Variants in EIF4B observed in about 807,000 individuals in gnomAD.
The protein encoded by EIF4B is eukaryotic translation initiation factor 4B.
EIF4B carries 8 observed loss-of-function variants against 79.3 expected under a neutral mutation model. The ratio of observed to expected loss-of-function variants is 0.10; its 90% confidence interval spans 0.06 to 0.18. The LOEUF (loss-of-function observed/expected upper bound fraction) is 0.18. Ranked by LOEUF, EIF4B falls within the 10% of genes least tolerant of loss-of-function variation. The pLI is 1.00. For missense variants in EIF4B, 515 were observed against 792.4 expected (o/e 0.65, Z 4.20); for synonymous variants, 238 against 274.7 (o/e 0.87, Z 1.32).
chr12:53,006,695 C>T (rs1592209937), intron 1 of EIF4B, among the ~76,000 whole-genome samples, 199 bp downstream of exon 1: 1 of 151,574 alleles, frequency 6.6e-6, no homozygotes, highest in East Asian at 2.0e-4. Flanking sequence ...CTTCCCCTCC[C>T]CCTCACACTC....
intron 8 of EIF4B, among the ~76,000 whole-genome samples, chr12:53,033,265 C>G (rs373582626): frequency 1.3e-5 from 2 of 151,884 alleles, no homozygotes; most frequent in African/African-American, 4.8e-5. Flanking sequence ...GTGATCCACC[C>G]GCCTCGGCCT....
chr12:53,037,296 C>A, intron 10 of EIF4B, 113 bp from the exon 11 acceptor site: 1 of 1,170,366 alleles, frequency 8.5e-7, no homozygotes, highest in Non-Finnish European at 1.2e-6. Flanking sequence ...GGGATAAATC[C>A]ATCTTTGGGA....
Position 53,041,125 on chromosome 12 carries a change from T to TA in EIF4B, c.*903dup, listed in dbSNP as rs1012704483. ...CCTTGAAACTAAAAATTTAGACTCT[T>TA]ATCATCATCTTAAGTTCTTCATGCT... On this transcript the variant is annotated 3_prime_UTR_variant, in exon 15 of 15. Transcript: ENST00000262056. 6.6e-6 allele frequency: 1 copy of TA among 152,176 alleles called. No homozygotes were observed. Among genetic ancestry groups the TA allele is most frequent in the African/African-American group, 2.4e-5 (1 of 41,436 alleles). The allele number at this position is 152,176 out of a possible 1,614,324, so 9.4% of individuals were successfully genotyped here. A position where few individuals can be genotyped will look rare whatever the true frequency, so the allele number is the denominator to read the frequency against.
intron 6 of EIF4B, among the ~76,000 whole-genome samples, chr12:53,027,137 A>ATTATTATTATTATTATTTTTTTTTTTTTT (rs1943349413): frequency 7.8e-5 from 2 of 25,722 alleles, no homozygotes; most frequent in African/African-American, 1.6e-4. Context: ...AAAAAAAAAA[A>ATTATTATTATTATTATTTTTTTTTTTTTT]TTTTTTTTTT....
intron 10 of EIF4B, among the ~76,000 whole-genome samples, chr12:53,035,658 G>T (rs1943528440): frequency 6.8e-6 from 1 of 147,918 alleles, no homozygotes; most frequent in Non-Finnish European, 1.5e-5. Flanking sequence ...GTCAGCCACC[G>T]CACCCAGCCT....
At chr12:53,008,127 G>A (rs1428884048) in intron 1 of EIF4B, among the ~76,000 whole-genome samples, 1 of 152,186 alleles carries the variant, frequency 6.6e-6, no homozygotes, top group Non-Finnish European at 1.5e-5. Flanking sequence ...ACTTGGTCTG[G>A]ATTTGCCACC....
At chr12:53,016,847 A>G (rs1943156557) in intron 2 of EIF4B, among the ~76,000 whole-genome samples, 1 of 152,238 alleles carries the variant, frequency 6.6e-6, no homozygotes, top group African/African-American at 2.4e-5. Flanking sequence ...TTGCATTAAC[A>G]GACTTCTTAA....
At chr12:53,039,495 A>G in intron 13 of EIF4B, 135 bp from the exon 14 acceptor site, 1 of 1,266,092 alleles carries the variant, frequency 7.9e-7, no homozygotes, top group Non-Finnish European at 1.1e-6. Context: ...AAAATCTAGA[A>G]GTAATACATC....
intron 8 of EIF4B, among the ~76,000 whole-genome samples, chr12:53,031,450 A>AT (rs1484998364): frequency 6.6e-6 from 1 of 151,902 alleles, no homozygotes; most frequent in Non-Finnish European, 1.5e-5. Flanking sequence ...TAATTTTGAT[A>AT]TTTTTTCTAA....
chr12:53,010,260 C>T (rs183477648), intron 1 of EIF4B, among the ~76,000 whole-genome samples: 20 of 152,268 alleles, frequency 1.3e-4, no homozygotes, highest in Admixed American at 3.9e-4. Flanking sequence ...TGAACCCGTA[C>T]GGGGGTCAAG....
rs532612002 is a variant in EIF4B, at chr12:53,011,502, T to C, written c.14-4971T>C. Among the ~76,000 whole-genome samples, 9 of 152,306 alleles carry C rather than the reference T, an allele frequency of 5.9e-5. 1 individual carries two copies. Among genetic ancestry groups the C allele is most frequent in the Admixed American group, 5.9e-4 (9 of 15,302 alleles). On this transcript the variant is annotated intron_variant, in intron 1 of 14. Transcript: ENST00000262056. ...AGCATTTGGCAGTGTCCAGAGACGC[T>C]TTTGGTTGTCAGAGTGGAATGGGGA...
At chr12:53,009,475 ACAGAGCGAGACTC>A in intron 1 of EIF4B, among the ~76,000 whole-genome samples, 1 of 150,468 alleles carries the variant, frequency 6.6e-6, no homozygotes, top group Non-Finnish European at 1.5e-5. Flanking sequence ...GGCCTGGGCG[ACAGAGCGAGACTC>A]CGTCTCAAAA....
intron 4 of EIF4B, among the ~76,000 whole-genome samples, chr12:53,021,027 G>C (rs1943239812): frequency 6.6e-6 from 1 of 152,108 alleles, no homozygotes; most frequent in African/African-American, 2.4e-5. Flanking sequence ...CATTATAGTG[G>C]TGTTTAATAT....
rs560425965 is a variant in EIF4B at position 53,023,359 on chromosome 12, A to C, written c.667+732A>C. Among the ~76,000 whole-genome samples the C allele has an allele frequency of 3.9e-5, 6 of 152,056 alleles. No individual in the cohort carries two copies. In the South Asian group the frequency reaches 1.2e-3, roughly 32 times the overall value. On this transcript the variant is annotated intron_variant, in intron 6 of 14. Transcript: ENST00000262056. ...GTGATTCTCCTGCCTCAGCCTCCCA[A>C]GTAGCTGGGACTACAGGCGCGCGCC... is the stretch of plus-strand genomic sequence containing the variant.
chr12:53,029,931 A>AG (rs935493588), intron 8 of EIF4B, among the ~76,000 whole-genome samples: 2 of 151,172 alleles, frequency 1.3e-5, no homozygotes, highest in African/African-American at 4.9e-5. Flanking sequence ...TTTTTTTAAA[A>AG]AAAACTTAGG....
At chr12:53,019,435 A>ATTTTTTTTTTTCTTTTT (rs759250282) in intron 3 of EIF4B, among the ~76,000 whole-genome samples, 1 of 39,452 alleles carries the variant, frequency 2.5e-5, no homozygotes, top group Non-Finnish European at 6.1e-5. Flanking sequence ...ATATATATAT[A>ATTTTTTTTTTTCTTTTT]TATTTTTTTT....
intron 8 of EIF4B, among the ~76,000 whole-genome samples, chr12:53,031,317 C>G (rs981518670): frequency 2.0e-5 from 3 of 152,196 alleles, no homozygotes; most frequent in Admixed American, 6.5e-5. Context: ...ACTCTGTCGC[C>G]CAGGCTAGAA....
intron 1 of EIF4B, among the ~76,000 whole-genome samples, chr12:53,009,662 ACT>A (rs897160955): frequency 6.6e-6 from 1 of 152,086 alleles, no homozygotes; most frequent in African/African-American, 2.4e-5. Flanking sequence ...TACACTGCTG[ACT>A]CTCACAGTGA....
At chr12:53,031,879 G>A (rs1194929254) in intron 8 of EIF4B, among the ~76,000 whole-genome samples, 1 of 152,078 alleles carries the variant, frequency 6.6e-6, no homozygotes, top group Non-Finnish European at 1.5e-5. Flanking sequence ...CTTTGTTAAG[G>A]TTACATTACT....
Sources: gnomAD v4.1 joint callset for allele counts (sites outside exome capture counted in the v4.1 genomes callset) on GRCh38, gnomAD v4.1.1 for gene constraint, MANE v1.5 for transcripts, NCBI Gene and HGNC (gene_info 2026-07-23, HGNC 2026-07-21) for gene names.